ZNF143: variants seen among roughly 807,000 people sequenced by gnomAD.
ZNF143 encodes the protein zinc finger protein 143.
ZNF143 carries 49 observed loss-of-function variants against 74.1 expected under a neutral mutation model. The ratio of observed to expected loss-of-function variants is 0.66; its 90% CI spans 0.53 to 0.84. The LOEUF is 0.84. Among genes scored for constraint, ZNF143 ranks in the 40% least tolerant of loss-of-function variants. ZNF143 has a pLI of 0.00. For synonymous variants in ZNF143, 304 were observed against 282.8 expected (o/e 1.07, Z -0.75); for missense variants, 637 against 793.4 (o/e 0.80, Z 2.37).
chr11:9,477,458 T>C (rs1857002163), intron 5 of ZNF143, among the ~76,000 whole-genome samples: 1 of 152,052 alleles, frequency 6.6e-6, no homozygotes, highest in Non-Finnish European at 1.5e-5. Context: ...GATTTCACCA[T>C]GTTGGCTAGG....
intron 11 of ZNF143, among the ~76,000 whole-genome samples, chr11:9,502,534 C>G (rs1015673370): frequency 2.0e-5 from 3 of 149,496 alleles, no homozygotes; most frequent in Non-Finnish European, 4.4e-5. Flanking sequence ...AGCATGAACC[C>G]GGGAGGCAGA....
chr11:9,461,163 C>G, intron 1 of ZNF143, 87 bp downstream of exon 1: 1 of 860,422 alleles, frequency 1.2e-6, no homozygotes, highest in Non-Finnish European at 1.4e-6. Flanking sequence ...CCCGCTTGGG[C>G]CCGGGCTCCG....
intron 14 of ZNF143, among the ~76,000 whole-genome samples, chr11:9,524,362 A>T (rs1232353642): frequency 6.6e-6 from 1 of 152,172 alleles, no homozygotes. Flanking sequence ...AGGGTTTATA[A>T]TTGTTATCTG....
At chr11:9,472,633 C>T (rs749980146) in intron 2 of ZNF143, 44 bp from the exon 3 acceptor site, 20 of 1,490,380 alleles carry the variant, frequency 1.3e-5, no homozygotes, top group Non-Finnish European at 1.7e-5. Flanking sequence ...TCAGCATGTC[C>T]ATATGCTAGC....
At position 9,501,950 on chromosome 11, in the gene ZNF143, T is replaced by C. The variant is rs543650890; in HGVS notation, c.1147+680T>C. ...CTTTTTTTTTTTTTTTTTTTTTTTT[T>C]TTTGGGATGGAGTTTCGCTGTTGTT... On this transcript the variant is annotated intron_variant, in intron 11 of 15. Coordinates refer to ENST00000396602, the MANE Select transcript of ZNF143 (RefSeq NM_003442.6). 1.3e-3 allele frequency among the ~76,000 whole-genome samples: 179 copies of C among 135,566 alleles called. 1 individual carries two copies. The highest frequency in any genetic ancestry group is 2.6e-3 in the Non-Finnish European group (160 of 62,304). The allele number at this position is 135,566 out of a possible 152,430, so 88.9% of individuals were successfully genotyped here. A position where few individuals can be genotyped will look rare whatever the true frequency, so the allele number is the denominator to read the frequency against.
At chr11:9,502,739 T>G (rs1321060893) in intron 11 of ZNF143, among the ~76,000 whole-genome samples, 1 of 152,072 alleles carries the variant, frequency 6.6e-6, no homozygotes, top group African/African-American at 2.4e-5. Context: ...AGCAGTCCTT[T>G]CCCCACCCCG....
chr11:9,480,839 A>G (rs1377947822), intron 7 of ZNF143, among the ~76,000 whole-genome samples: 1 of 151,738 alleles, frequency 6.6e-6, no homozygotes, highest in East Asian at 1.9e-4. Context: ...GTGAGCCAAG[A>G]TCGCGCTGTT....
chr11:9,461,421 C>G (rs1341065667), intron 1 of ZNF143, among the ~76,000 whole-genome samples: 2 of 152,104 alleles, frequency 1.3e-5, no homozygotes, highest in African/African-American at 4.8e-5. Flanking sequence ...GAGCCTTGGC[C>G]GCGTTTCTCG....
chr11:9,479,327 A>G (rs1028322662), intron 6 of ZNF143, 145 bp from the exon 7 acceptor site: 23 of 503,848 alleles, frequency 4.6e-5, no homozygotes, highest in Middle Eastern at 4.9e-4. Context: ...TTTCAAATAT[A>G]CACAAAAATA....
chr11:9,481,333 GCTGATTGTGCCA>G (rs1847230301), intron 7 of ZNF143, among the ~76,000 whole-genome samples: 1 of 152,100 alleles, frequency 6.6e-6, no homozygotes, highest in Admixed American at 6.6e-5. Flanking sequence ...GTTATAGTGA[GCTGATTGTGCCA>G]CTGCACTCCA....
chr11:9,483,998 T>C lies in ZNF143; in HGVS notation c.645+4452T>C, dbSNP rs544503533. Among the ~76,000 whole-genome samples, 41 of 151,560 alleles carry C rather than the reference T, an allele frequency of 2.7e-4. No homozygotes were observed. The South Asian group carries it at 8.3e-3, about 31-fold the overall frequency. On this transcript the variant is annotated intron_variant, in intron 7 of 15. Coordinates refer to ENST00000396602, the MANE Select transcript of ZNF143 (RefSeq NM_003442.6). ...CTCTTGACCTCGTGATCCGCCCGCCTCAGCCTCCCAAAGTGCTGGGATTAC... is the reference window on the plus strand; with the variant it reads ...CTCTTGACCTCGTGATCCGCCCGCCCCAGCCTCCCAAAGTGCTGGGATTAC...
chr11:9,512,674 A>G, intron 13 of ZNF143, 78 bp downstream of exon 13: 1 of 1,575,872 alleles, frequency 6.3e-7, no homozygotes, highest in Non-Finnish European at 8.7e-7. Context: ...GTCCCCATTG[A>G]GGAAAGCTTT....
chr11:9,504,673 C>CTTTTTTTTT (rs869310966), intron 11 of ZNF143, among the ~76,000 whole-genome samples: 20 of 89,440 alleles, frequency 2.2e-4, no homozygotes, highest in African/African-American at 4.6e-4. Flanking sequence ...TTTCTTTTTT[C>CTTTTTTTTT]TTTTTTTTTT....
chr11:9,483,140 T>C, intron 7 of ZNF143, among the ~76,000 whole-genome samples: 1 of 150,188 alleles, frequency 6.7e-6, no homozygotes, highest in Non-Finnish European at 1.5e-5. Flanking sequence ...ATTACAGGCA[T>C]GCACCACCAC....
At chr11:9,500,279 T>G (rs1848111509) in intron 10 of ZNF143, among the ~76,000 whole-genome samples, 1 of 151,914 alleles carries the variant, frequency 6.6e-6, no homozygotes, top group African/African-American at 2.4e-5. Context: ...ATGAGGGTAG[T>G]AGTAGTATGT....
chr11:9,490,823 C>T (rs1311641298), intron 7 of ZNF143, among the ~76,000 whole-genome samples: 2 of 152,184 alleles, frequency 1.3e-5, no homozygotes, highest in East Asian at 1.9e-4. Context: ...GCCTTGACCT[C>T]CCAGGCTCAG....
At position 9,501,045 on chromosome 11, in the gene ZNF143, C is replaced by T. The variant is rs774392014; in HGVS notation, c.968-46C>T. On this transcript the variant is annotated intron_variant, in intron 10 of 15. Coordinates refer to ENST00000396602, the MANE Select transcript of ZNF143 (RefSeq NM_003442.6). The stretch of plus-strand genomic sequence containing the variant: ...TTGAAGGATAAGACATTTTAATCCT[C>T]TATATATTTTTGCACCATTTAATGT... 9 of 1,601,410 alleles carry T rather than the reference C, an allele frequency of 5.6e-6. No homozygotes were observed. The Middle Eastern group carries it at 8.3e-4, about 147-fold the overall frequency.
intron 15 of ZNF143, among the ~76,000 whole-genome samples, chr11:9,526,953 T>C (rs775122804): frequency 7.9e-5 from 12 of 152,154 alleles, no homozygotes; most frequent in Non-Finnish European, 1.2e-4. Flanking sequence ...GCCTCCCCAG[T>C]AGCTGGGACT....
chr11:9,516,420 A>G (rs1848726178), intron 14 of ZNF143, 58 bp downstream of exon 14: 2 of 1,468,714 alleles, frequency 1.4e-6, no homozygotes, highest in East Asian at 2.4e-5. Flanking sequence ...AAACAGTTAC[A>G]TAGGTATGCA....
Sources: gnomAD v4.1 joint callset for allele counts (sites outside exome capture counted in the v4.1 genomes callset) on GRCh38, gnomAD v4.1.1 for gene constraint, MANE v1.5 for transcripts, NCBI Gene and HGNC (gene_info 2026-07-23, HGNC 2026-07-21) for gene names.